The following UMAD1 variants were observed in gnomAD, a reference collection of about 807,000 sequenced individuals.
The protein encoded by UMAD1 is UBAP1-MVB12-associated (UMA)-domain containing protein 1.
UMAD1 carries 8 observed loss-of-function variants against 6.1 expected under a neutral mutation model. The observed-to-expected ratio is 1.30, with a 90% CI of 0.76 to 2.35. The LOEUF is 2.35. Among genes scored for constraint, UMAD1 ranks in the 30% most tolerant of loss-of-function variants. The probability of loss-of-function intolerance (pLI) is 0.00; values close to 1 mark genes in which losing one functional copy is unlikely to be tolerated. For synonymous variants in UMAD1, 56 were observed against 31.4 expected (o/e 1.78, Z -2.61); for missense variants, 130 against 78.4 (o/e 1.66, Z -2.49).
intron 1 of UMAD1, among the ~76,000 whole-genome samples, chr7:7,642,928 T>G (rs1785007314): frequency 6.6e-6 from 1 of 152,222 alleles, no homozygotes; most frequent in Non-Finnish European, 1.5e-5. Context: ...TCTTTGACCT[T>G]TATATAAACA....
chr7:7,640,812 C>A lies in UMAD1; in HGVS notation c.-73C>A, dbSNP rs1248557457. ...GCTGGTGCGGCGGGGGACTGCGGGG[C>A]CAGCCTCAGGTACCTCGTCTCGCGG... On this transcript the variant is annotated 5_prime_UTR_variant, in exon 1 of 4. Transcript: ENST00000682710. 6 of 204,502 alleles carry A rather than the reference C, an allele frequency of 2.9e-5. No homozygotes were observed. Among genetic ancestry groups the A allele is most frequent in the Admixed American group, 2.4e-4 (4 of 16,888 alleles). 12.7% of individuals were successfully genotyped at this position (204,502 alleles called of 1,614,324 possible). A position where few individuals can be genotyped will look rare whatever the true frequency, so the allele number is the denominator to read the frequency against.
chr7:7,707,767 C>T (rs574281802), intron 2 of UMAD1, among the ~76,000 whole-genome samples: 1 of 152,244 alleles, frequency 6.6e-6, no homozygotes, highest in South Asian at 2.1e-4. Flanking sequence ...CATTTGTAGT[C>T]CTTTTCTGTT....
intron 3 of UMAD1, among the ~76,000 whole-genome samples, chr7:7,823,398 A>T (rs139490952): frequency 6.6e-6 from 1 of 152,244 alleles, no homozygotes; most frequent in Non-Finnish European, 1.5e-5. Context: ...TTATACTTAG[A>T]CCAAAAAAAG....
At chr7:7,822,216 G>T (rs545969914) in intron 3 of UMAD1, among the ~76,000 whole-genome samples, 1 of 151,912 alleles carries the variant, frequency 6.6e-6, no homozygotes, top group Admixed American at 6.6e-5. Flanking sequence ...GGGTTTGGGC[G>T]CACTGAGAAT....
rs199808971 is a variant in UMAD1, at chr7:7,642,467, T to A, written c.-64+1646T>A. ...AGCCTTGGTGCGTACCCTGTAATAG[T>A]GATTTTTTTTTTTTTTAAAGAGCAC... On this transcript the variant is annotated intron_variant, in intron 1 of 3. Coordinates refer to ENST00000682710, the MANE Select transcript of UMAD1 (RefSeq NM_001302348.2). 0.013 allele frequency among the ~76,000 whole-genome samples: 497 copies of A among 38,952 alleles called. 15 individuals carry two copies. In the East Asian group the frequency reaches 0.21, roughly 16 times the overall value. The allele number at this position is 38,952 out of a possible 152,430, so 25.6% of individuals were successfully genotyped here.
chr7:7,770,037 T>C (rs1782070025), intron 2 of UMAD1, among the ~76,000 whole-genome samples: 1 of 152,180 alleles, frequency 6.6e-6, no homozygotes, highest in Non-Finnish European at 1.5e-5. Flanking sequence ...TCAGACTTAT[T>C]TCTAATCAGC....
At chr7:7,666,914 TC>T (rs1779477301) in intron 1 of UMAD1, among the ~76,000 whole-genome samples, 1 of 152,140 alleles carries the variant, frequency 6.6e-6, no homozygotes, top group Non-Finnish European at 1.5e-5. Flanking sequence ...CAAGTAATTC[TC>T]CTGCCTCTCA....
chr7:7,876,185 C>T (rs777785642), intron 3 of UMAD1, among the ~76,000 whole-genome samples: 2 of 152,186 alleles, frequency 1.3e-5, no homozygotes, highest in Non-Finnish European at 2.9e-5. Context: ...GGGAGAAGAG[C>T]GTCCTGGTCT....
chr7:7,818,667 A>G (rs13238195), intron 3 of UMAD1, among the ~76,000 whole-genome samples: 1 of 152,232 alleles, frequency 6.6e-6, no homozygotes, highest in African/African-American at 2.4e-5. Flanking sequence ...TACTGTATAT[A>G]CCCAAAGGAA....
chr7:7,717,958 C>T (rs1334292382), intron 2 of UMAD1, among the ~76,000 whole-genome samples: 1 of 152,130 alleles, frequency 6.6e-6, no homozygotes, highest in Admixed American at 6.5e-5. Context: ...TCACAGAGTG[C>T]TGTAGATTCT....
intron 3 of UMAD1, among the ~76,000 whole-genome samples, chr7:7,838,300 C>T (rs11973875): frequency 0.084 from 12,711 of 152,028 alleles, 635 homozygotes; most frequent in Middle Eastern, 0.11. Context: ...GTTTGTTGAC[C>T]TCTGAAATAG....
chr7:7,784,496 C>T (rs1382553326), intron 2 of UMAD1, among the ~76,000 whole-genome samples: 3 of 149,938 alleles, frequency 2.0e-5, no homozygotes, highest in Non-Finnish European at 2.9e-5. Context: ...CCACCATGCC[C>T]GGCTAATTTT....
intron 3 of UMAD1, among the ~76,000 whole-genome samples, chr7:7,834,790 G>T (rs1583860573): frequency 2.0e-5 from 3 of 152,108 alleles, no homozygotes; most frequent in Non-Finnish European, 2.9e-5. Flanking sequence ...TATGGGTGGG[G>T]GTGTGTAGGG....
intron 3 of UMAD1, among the ~76,000 whole-genome samples, chr7:7,846,608 A>G (rs1467024318): frequency 6.6e-6 from 1 of 151,896 alleles, no homozygotes; most frequent in South Asian, 2.1e-4. Context: ...TAAAATTTTG[A>G]TATGTTTTGA....
At chr7:7,859,770 A>G (rs1251846171) in intron 3 of UMAD1, among the ~76,000 whole-genome samples, 6 of 152,152 alleles carry the variant, frequency 3.9e-5, no homozygotes, top group South Asian at 2.1e-4. Flanking sequence ...CCTTTTTCCC[A>G]AAAATGCTAG....
In UMAD1 at chr7:7,796,244, C is replaced by CTTTTTTTTTTTT. The variant is rs59221325; in HGVS notation, c.83-5413_83-5402dup. ...ACTTTGACCCATTTCTATTTTCTTTCTTTTTTTTTTTTTTTTTTTTTTTTG... is the reference window on the plus strand; with the variant it reads ...ACTTTGACCCATTTCTATTTTCTTTCTTTTTTTTTTTTTTTTTTTTTTTTTTTTTTTTTTTTG... On this transcript the variant is annotated intron_variant, in intron 2 of 3. Transcript: ENST00000682710. Among the ~76,000 whole-genome samples the CTTTTTTTTTTTT allele has an allele frequency of 1.8e-3, 115 of 63,948 alleles. 8 individuals are homozygous for CTTTTTTTTTTTT. The highest frequency in any genetic ancestry group is 4.8e-3 in the African/African-American group (49 of 10,236). 42.0% of individuals were successfully genotyped at this position (63,948 alleles called of 152,430 possible). A position where few individuals can be genotyped will look rare whatever the true frequency, so the allele number is the denominator to read the frequency against.
At chr7:7,654,441 G>T (rs950988102) in intron 1 of UMAD1, among the ~76,000 whole-genome samples, 1 of 152,114 alleles carries the variant, frequency 6.6e-6, no homozygotes, top group African/African-American at 2.4e-5. Flanking sequence ...GTTATCCTTC[G>T]GTATCCCTAG....
At chr7:7,746,955 T>TTGTGTGTG (rs36223422) in intron 2 of UMAD1, among the ~76,000 whole-genome samples, 3 of 148,514 alleles carry the variant, frequency 2.0e-5, no homozygotes, top group Admixed American at 6.8e-5. Context: ...GAGTGCATGT[T>TTGTGTGTG]TGTGTGTGTG....
intron 3 of UMAD1, among the ~76,000 whole-genome samples, chr7:7,811,367 G>T (rs1471534391): frequency 6.6e-6 from 1 of 152,162 alleles, no homozygotes; most frequent in Non-Finnish European, 1.5e-5. Context: ...TCTTTGATGT[G>T]TTTATCCTCT....
Sources: gnomAD v4.1 joint callset for allele counts (sites outside exome capture counted in the v4.1 genomes callset) on GRCh38, gnomAD v4.1.1 for gene constraint, MANE v1.5 for transcripts, NCBI Gene and HGNC (gene_info 2026-07-23, HGNC 2026-07-21) for gene names.